The following UTRN variants were observed in gnomAD, a reference collection of about 807,000 sequenced individuals.
The protein encoded by UTRN is utrophin.
In UTRN, 283 loss-of-function variants were observed where a neutral mutation model predicts 463.9. That is an observed-to-expected ratio of 0.61 (90% CI 0.55 to 0.67). The LOEUF (loss-of-function observed/expected upper bound fraction) is 0.67, where lower values mean the gene tolerates loss of function less well. Among genes scored for constraint, UTRN ranks in the 30% least tolerant of loss-of-function variants. UTRN has a pLI of 0.00. For synonymous variants in UTRN, 1,442 were observed against 1,431.5 expected (o/e 1.01, Z -0.17); for missense variants, 3,922 against 4,084.3 (o/e 0.96, Z 1.08).
rs956697379 is a variant in UTRN, at chr6:144,373,636, C to T, written c.80-29487C>T. 4.6e-5 allele frequency among the ~76,000 whole-genome samples: 7 copies of T among 152,182 alleles called. No homozygotes were observed. The South Asian group carries it at 1.2e-3, about 27-fold the overall frequency. On this transcript the variant is annotated intron_variant, in intron 2 of 74. Transcript: ENST00000367545. ...TGCATACAGTAAAAAACCACAGAATCGTACATCCGTTAAATCCGGATGGAT... is the reference window on the plus strand; with the variant it reads ...TGCATACAGTAAAAAACCACAGAATTGTACATCCGTTAAATCCGGATGGAT...
chr6:144,612,899 C>G (rs952211796), intron 51 of UTRN, among the ~76,000 whole-genome samples: 2 of 152,098 alleles, frequency 1.3e-5, no homozygotes, highest in Non-Finnish European at 2.9e-5. Flanking sequence ...GATATTTGCA[C>G]TCTCACGTTC....
At chr6:144,437,511 C>CTTT in intron 10 of UTRN, 54 bp from the exon 11 acceptor site, 8 of 1,225,324 alleles carry the variant, frequency 6.5e-6, no homozygotes, top group Non-Finnish European at 8.8e-6. Flanking sequence ...TTCAGTCTTC[C>CTTT]TTTTTTTTTT....
At chr6:144,428,188 T>A (rs1265006215) in intron 7 of UTRN, among the ~76,000 whole-genome samples, 1 of 152,100 alleles carries the variant, frequency 6.6e-6, no homozygotes. Flanking sequence ...AGAAATGAAA[T>A]ACAGTCCTAG....
At chr6:144,337,263 C>G (rs1037847176) in intron 2 of UTRN, among the ~76,000 whole-genome samples, 1 of 151,994 alleles carries the variant, frequency 6.6e-6, no homozygotes, top group Non-Finnish European at 1.5e-5. Flanking sequence ...TGAATTCTCC[C>G]CTCTTAGCAC....
At chr6:144,596,150 G>A (rs770833585) in intron 51 of UTRN, among the ~76,000 whole-genome samples, 6 of 152,184 alleles carry the variant, frequency 3.9e-5, no homozygotes, top group Non-Finnish European at 7.3e-5. Flanking sequence ...TTGAGAATCA[G>A]TACCTCATTA....
At chr6:144,560,051 G>A (rs1799726382) in intron 50 of UTRN, among the ~76,000 whole-genome samples, 1 of 152,014 alleles carries the variant, frequency 6.6e-6, no homozygotes, top group Non-Finnish European at 1.5e-5. Context: ...TCATTGTCAG[G>A]CACTGTACTG....
intron 53 of UTRN, 141 bp downstream of exon 53, chr6:144,700,384 G>T: frequency 2.0e-6 from 2 of 987,076 alleles, no homozygotes; most frequent in Non-Finnish European, 2.8e-6. Flanking sequence ...TTAGTTGCCA[G>T]TAGACATTTA....
intron 2 of UTRN, among the ~76,000 whole-genome samples, chr6:144,336,833 C>A (rs955439552): frequency 6.6e-6 from 1 of 152,072 alleles, no homozygotes; most frequent in Non-Finnish European, 1.5e-5. Flanking sequence ...CTGAAGAACT[C>A]TTGGCCTTCA....
At chr6:144,355,904 C>T (rs1316462643) in intron 2 of UTRN, among the ~76,000 whole-genome samples, 4 of 152,146 alleles carry the variant, frequency 2.6e-5, no homozygotes, top group African/African-American at 9.7e-5. Flanking sequence ...ATATTTAGAA[C>T]ATACCAAATT....
At chr6:144,297,091 A>T (rs990675611) in intron 2 of UTRN, among the ~76,000 whole-genome samples, 2 of 137,624 alleles carry the variant, frequency 1.5e-5, no homozygotes, top group Non-Finnish European at 3.1e-5. Context: ...AGCTGAAGTT[A>T]AAAAAAAAAA....
At chr6:144,449,175 G>A (rs1305413572) in intron 17 of UTRN, among the ~76,000 whole-genome samples, 2 of 152,108 alleles carry the variant, frequency 1.3e-5, no homozygotes, top group African/African-American at 4.8e-5. Flanking sequence ...AAGTGCAGGG[G>A]ATCCTTAACC....
chr6:144,564,731 C>T (rs529630279), intron 50 of UTRN, among the ~76,000 whole-genome samples: 32 of 152,122 alleles, frequency 2.1e-4, no homozygotes, highest in African/African-American at 6.5e-4. Context: ...CTCATTATCA[C>T]GAGAACAACA....
chr6:144,730,837 TA>T (rs1249413665), intron 54 of UTRN, among the ~76,000 whole-genome samples: 4 of 151,294 alleles, frequency 2.6e-5, no homozygotes, highest in Non-Finnish European at 4.4e-5. Context: ...AGAAAGTTAT[TA>T]AAATATAATA....
At chr6:144,496,465 A>G (rs902121301) in intron 33 of UTRN, among the ~76,000 whole-genome samples, 2 of 152,142 alleles carry the variant, frequency 1.3e-5, no homozygotes, top group Admixed American at 6.5e-5. Flanking sequence ...GTTAAATATT[A>G]TTATATTTAT....
chr6:144,532,020 C>T (rs559423778), intron 42 of UTRN, among the ~76,000 whole-genome samples: 62 of 152,110 alleles, frequency 4.1e-4, no homozygotes, highest in African/African-American at 1.4e-3. Context: ...ACCTGCAGTC[C>T]CAGCTACTCA....
At chr6:144,620,651 A>G (rs2128647225) in intron 51 of UTRN, among the ~76,000 whole-genome samples, 1 of 152,066 alleles carries the variant, frequency 6.6e-6, no homozygotes. Context: ...ACCTTCTCTA[A>G]TAAAGGTGTG....
chr6:144,708,222 A>C, intron 53 of UTRN: 2 of 611,746 alleles, frequency 3.3e-6, no homozygotes, highest in Admixed American at 2.3e-5. Context: ...AATCTTGTAA[A>C]TTTGTAGTCC....
chr6:144,315,940 G>T (rs1775255847), intron 2 of UTRN, among the ~76,000 whole-genome samples: 1 of 152,188 alleles, frequency 6.6e-6, no homozygotes, highest in Non-Finnish European at 1.5e-5. Context: ...TTGCTATCTG[G>T]ACAGGACTGT....
At chr6:144,756,923 C>G (rs1792057187) in intron 57 of UTRN, among the ~76,000 whole-genome samples, 2 of 152,062 alleles carry the variant, frequency 1.3e-5, no homozygotes, top group East Asian at 3.9e-4. Flanking sequence ...TAACGTGTAT[C>G]TTGCTGGCTT....
Sources: gnomAD v4.1 joint callset for allele counts (sites outside exome capture counted in the v4.1 genomes callset) on GRCh38, gnomAD v4.1.1 for gene constraint, MANE v1.5 for transcripts, NCBI Gene and HGNC (gene_info 2026-07-23, HGNC 2026-07-21) for gene names.